Variants in PDCD6 observed in about 807,000 individuals in gnomAD.
PDCD6 encodes programmed cell death 6.
A neutral mutation model predicts 28.3 loss-of-function variants in PDCD6; 12 were observed. The observed-to-expected ratio is 0.42, with a 90% confidence interval of 0.27 to 0.69. PDCD6 has a LOEUF of 0.69. Ranked by LOEUF, PDCD6 falls within the 30% of genes least tolerant of loss-of-function variation. PDCD6 has a pLI of 0.22. For missense variants in PDCD6, 226 were observed against 269.9 expected (o/e 0.84, Z 1.14); for synonymous variants, 92 against 108.0 (o/e 0.85, Z 0.92).
intron 5 of PDCD6, chr5:312,311 T>C (rs1452336046): frequency 6.6e-6 from 1 of 152,242 alleles, no homozygotes; most frequent in Non-Finnish European, 1.5e-5. Flanking sequence ...CAGGTGGTGA[T>C]CCAGGTCTCT....
chr5:314,095 G>A (rs1473782535), intron 5 of PDCD6, among the ~76,000 whole-genome samples: 4 of 152,252 alleles, frequency 2.6e-5, no homozygotes, highest in East Asian at 1.9e-4. Context: ...GGGCTTCCAC[G>A]GGACGGTCTT....
chr5:281,853 T>G (rs75737017), intron 2 of PDCD6, among the ~76,000 whole-genome samples: 167 of 97,784 alleles, frequency 1.7e-3, no homozygotes, highest in African/African-American at 0.01. Context: ...GACTCGGGGA[T>G]GAGCTGATGT....
chr5:311,215 T>G, intron 4 of PDCD6, 78 bp from the exon 5 acceptor site: 3 of 1,080,860 alleles, frequency 2.8e-6, no homozygotes, highest in Non-Finnish European at 4.3e-6. Flanking sequence ...GCTGTGGGCC[T>G]TGGGCAGGAG....
chr5:296,185 C>T (rs1304975844), intron 2 of PDCD6, among the ~76,000 whole-genome samples: 3 of 152,194 alleles, frequency 2.0e-5, no homozygotes, highest in East Asian at 1.9e-4. Context: ...AAACCATGAA[C>T]ATCAATTCTC....
intron 2 of PDCD6, chr5:288,965 A>G (rs1739157213): frequency 4.2e-6 from 6 of 1,435,584 alleles, no homozygotes; most frequent in African/African-American, 1.4e-5. Flanking sequence ...AGTCAGAAGA[A>G]CCACTACTTT....
At chr5:286,811 T>C (rs1376110005) in intron 2 of PDCD6, among the ~76,000 whole-genome samples, 2 of 152,170 alleles carry the variant, frequency 1.3e-5, no homozygotes, top group African/African-American at 4.8e-5. Context: ...GATGAGATGG[T>C]CCTGCGGTTC....
chr5:271,651 C>G lies in PDCD6; in HGVS notation c.-70C>G, dbSNP rs1193923553. ...TGCCAGGCCCTGCCCCCGGCAGAGG[C>G]GGAAGCGGAGTCGGCCTGAGAGGTC... On this transcript the variant is annotated 5_prime_UTR_variant, in exon 1 of 6. Coordinates refer to ENST00000264933, the MANE Select transcript of PDCD6 (RefSeq NM_013232.4). 4 of 877,104 alleles carry G rather than the reference C, an allele frequency of 4.6e-6. No homozygotes were observed. Among genetic ancestry groups the G allele is most frequent in the African/African-American group, 3.4e-5 (2 of 58,740 alleles). 54.3% of individuals were successfully genotyped at this position (877,104 alleles called of 1,614,324 possible). A position where few individuals can be genotyped will look rare whatever the true frequency, so the allele number is the denominator to read the frequency against.
Position 271,778 on chromosome 5 carries a change from G to A in PDCD6, c.58G>A (p.Ala20Thr). 2 of 1,486,766 alleles carry A rather than the reference G, an allele frequency of 1.3e-6. No homozygotes were observed. The highest frequency in any genetic ancestry group is 1.3e-5 in the South Asian group (1 of 77,574). The allele number at this position is 1,486,766 out of a possible 1,614,324, so 92.1% of individuals were successfully genotyped here. A position where few individuals can be genotyped will look rare whatever the true frequency, so the allele number is the denominator to read the frequency against. The change falls in exon 1 of 6, where the codon GCG (alanine) becomes ACG (threonine). Residue 20 changes from alanine (A) to threonine (T), a missense_variant. By Grantham distance (58) the Ala-to-Thr change is moderately conservative (BLOSUM62 0). Coordinates refer to ENST00000264933, the MANE Select transcript of PDCD6 (RefSeq NM_013232.4). ...PGAGPGPAAG[A>T]ALPDQSFLWN... is the part of the protein sequence containing the mutation. ...GGCCGGCCCTGGGCCTGCTGCAGGC[G>A]CGGCGCTGCCGGACCAGAGCTTCCT...
chr5:290,381 T>C (rs1739243290), intron 2 of PDCD6: 7 of 885,062 alleles, frequency 7.9e-6, no homozygotes, highest in African/African-American at 3.3e-5. Flanking sequence ...GGGACCGGAA[T>C]GCCTCCCCCC....
intron 2 of PDCD6, among the ~76,000 whole-genome samples, chr5:302,107 T>G (rs2671907): frequency 1.8e-5 from 2 of 111,676 alleles, no homozygotes; most frequent in African/African-American, 4.0e-5. Flanking sequence ...TGTGTGTGTG[T>G]GCCTTGGGTT....
At chr5:296,406 AT>A (rs1739614718) in intron 2 of PDCD6, among the ~76,000 whole-genome samples, 1 of 152,184 alleles carries the variant, frequency 6.6e-6, no homozygotes, top group South Asian at 2.1e-4. Context: ...CACGTGGCAT[AT>A]TTCAGATGCA....
intron 3 of PDCD6, chr5:304,832 C>G (rs1032397920): frequency 6.6e-6 from 1 of 152,008 alleles, no homozygotes; most frequent in African/African-American, 2.4e-5. Flanking sequence ...TCCAGGGTCT[C>G]CCCAGCTGTA....
intron 2 of PDCD6, chr5:276,013 A>G (rs1313278709): frequency 1.8e-5 from 23 of 1,285,560 alleles, no homozygotes; most frequent in Non-Finnish European, 2.3e-5. Flanking sequence ...TCTCTGTAGG[A>G]TGAAGCCCCA....
At chr5:286,298 C>T (rs1321415004) in intron 2 of PDCD6, among the ~76,000 whole-genome samples, 3 of 150,020 alleles carry the variant, frequency 2.0e-5, no homozygotes, top group Admixed American at 6.6e-5. Flanking sequence ...GCTGATGTTG[C>T]AGTTTGAGGG....
At chr5:293,206 G>T (rs1443656410) in intron 2 of PDCD6, among the ~76,000 whole-genome samples, 3 of 152,206 alleles carry the variant, frequency 2.0e-5, no homozygotes, top group Admixed American at 6.5e-5. Context: ...ACTAAGACAT[G>T]CCCTGAAACT....
In PDCD6 at chr5:271,720, C is replaced by T. The variant is rs951776129; in HGVS notation, c.-1C>T. On this transcript the variant is annotated 5_prime_UTR_variant, in exon 1 of 6. Transcript: ENST00000264933. ...CTCAGCCCAGCCGCGTGCCTTGGCC[C>T]ATGGCCGCCTACTCTTACCGCCCCG... 5.2e-6 allele frequency: 8 copies of T among 1,534,406 alleles called. No individual in the cohort carries two copies. Among genetic ancestry groups the T allele is most frequent in the Admixed American group, 3.8e-5 (2 of 52,726 alleles).
rs1220069299 is a variant in PDCD6, at chr5:293,306, TGACAGGAAGAGCA to T, written c.164-10868_164-10856del. 1.8e-3 allele frequency among the ~76,000 whole-genome samples: 271 copies of T among 147,608 alleles called. 3 individuals carry two copies. The highest frequency in any genetic ancestry group is 6.5e-3 in the African/African-American group (257 of 39,582). Reference sequence around the variant, plus strand: ...ATACTGTCAGAGATGGAGAAAGGTATGACAGGAAGAGCAGATCAAGAAGACGGGAACAGCACGA... The same window carrying T: ...ATACTGTCAGAGATGGAGAAAGGTATGATCAAGAAGACGGGAACAGCACGA... On this transcript the variant is annotated intron_variant, in intron 2 of 5. Transcript: ENST00000264933.
chr5:282,790 A>ACC (rs1391710717), intron 2 of PDCD6, among the ~76,000 whole-genome samples: 1 of 152,012 alleles, frequency 6.6e-6, no homozygotes, highest in East Asian at 1.9e-4. Context: ...GCTGCTGCAG[A>ACC]CCCGGAGAGG....
chr5:272,206 T>G (rs1023206236), intron 1 of PDCD6, among the ~76,000 whole-genome samples: 1 of 143,188 alleles, frequency 7.0e-6, no homozygotes, highest in Non-Finnish European at 1.5e-5. Context: ...AGCCGCCAGG[T>G]GGAGGGTCTC....
Sources: gnomAD v4.1 joint callset for allele counts (sites outside exome capture counted in the v4.1 genomes callset) on GRCh38, gnomAD v4.1.1 for gene constraint, MANE v1.5 for transcripts, NCBI Gene and HGNC (gene_info 2026-07-23, HGNC 2026-07-21) for gene names.